PIWIL2: variants seen among roughly 807,000 people sequenced by gnomAD.
The protein encoded by PIWIL2 is piwi-like protein 2.
Under a neutral mutation model 116.5 loss-of-function variants are expected in PIWIL2, and 81 were observed. The ratio of observed to expected loss-of-function variants is 0.70; its 90% CI spans 0.58 to 0.84. PIWIL2 has a LOEUF of 0.84. PIWIL2 is among the 40% of genes least tolerant of loss of function. PIWIL2 has a pLI of 0.00. For synonymous variants in PIWIL2, 489 were observed against 429.5 expected (o/e 1.14, Z -1.71); for missense variants, 1,272 against 1,212.3 (o/e 1.05, Z -0.73).
chr8:22,319,595 A>T (rs1336263942), intron 20 of PIWIL2, among the ~76,000 whole-genome samples: 2 of 152,214 alleles, frequency 1.3e-5, no homozygotes, highest in Non-Finnish European at 2.9e-5. Flanking sequence ...AATTACCCTG[A>T]AACTTAGTGG....
At chr8:22,302,553 G>GGCT (rs1286111647) in intron 10 of PIWIL2, among the ~76,000 whole-genome samples, 1 of 151,876 alleles carries the variant, frequency 6.6e-6, no homozygotes, top group Non-Finnish European at 1.5e-5. Context: ...TGTGGCGTGC[G>GGCT]GCTGCTGATG....
rs765818300 is a variant in PIWIL2 at position 22,355,747 on chromosome 8, T to C, written c.*242T>C. The C allele has an allele frequency of 2.0e-6, 1 of 493,468 alleles. No homozygotes were observed. The highest frequency in any genetic ancestry group is 3.7e-6 in the Non-Finnish European group (1 of 272,720). The allele number at this position is 493,468 out of a possible 1,614,324, so 30.6% of individuals were successfully genotyped here. On this transcript the variant is annotated 3_prime_UTR_variant, in exon 23 of 23. Transcript: ENST00000356766. Reference sequence around the variant, plus strand: ...GAGCAAGTTACGGTGGTACTGCCACTCTGCAGGTGGAGCGGGTGACTCTGG... The same window carrying C: ...GAGCAAGTTACGGTGGTACTGCCACCCTGCAGGTGGAGCGGGTGACTCTGG...
intron 2 of PIWIL2, 57 bp from the exon 3 acceptor site, chr8:22,281,063 C>T: frequency 1.0e-6 from 1 of 971,794 alleles, no homozygotes; most frequent in Non-Finnish European, 1.6e-6. Flanking sequence ...CTAAGAAAGC[C>T]CTTGTTTCTG....
intron 20 of PIWIL2, among the ~76,000 whole-genome samples, chr8:22,331,333 A>C (rs1019433050): frequency 2.6e-5 from 4 of 151,904 alleles, no homozygotes; most frequent in African/African-American, 9.7e-5. Flanking sequence ...TCGTCTCTAC[A>C]AAAAAGAAAT....
chr8:22,320,531 C>T (rs1049978066), intron 20 of PIWIL2, among the ~76,000 whole-genome samples: 2 of 151,970 alleles, frequency 1.3e-5, no homozygotes, highest in Non-Finnish European at 2.9e-5. Flanking sequence ...CCCGCCTCAG[C>T]CTCTCAAAGT....
chr8:22,338,191 G>A (rs1193574346), intron 20 of PIWIL2, among the ~76,000 whole-genome samples: 1 of 152,144 alleles, frequency 6.6e-6, no homozygotes, highest in Non-Finnish European at 1.5e-5. Flanking sequence ...GAGAAGATTG[G>A]GAAGGAGAAA....
rs908614215 is a variant in PIWIL2 at position 22,357,464 on chromosome 8, C to T, written c.*1959C>T. On this transcript the variant is annotated 3_prime_UTR_variant, in exon 23 of 23. Transcript: ENST00000356766. ...ACAAATGGTTGAATACATTATAATA[C>T]AAAAATTTCTTCACTTTTTATTCTT... 1.3e-5 allele frequency: 2 copies of T among 152,098 alleles called. No individual in the cohort carries two copies. Among genetic ancestry groups the T allele is most frequent in the African/African-American group, 4.8e-5 (2 of 41,404 alleles). The allele number at this position is 152,098 out of a possible 1,614,324, so 9.4% of individuals were successfully genotyped here. A position where few individuals can be genotyped will look rare whatever the true frequency, so the allele number is the denominator to read the frequency against.
Position 22,320,981 on chromosome 8 carries a change from C to T in PIWIL2, c.2403+2706C>T, listed in dbSNP as rs575918693. Among the ~76,000 whole-genome samples, 9 of 152,304 alleles carry T rather than the reference C, an allele frequency of 5.9e-5. No homozygotes were observed. In the South Asian group the frequency reaches 1.9e-3, roughly 32 times the overall value. On this transcript the variant is annotated intron_variant, in intron 20 of 22. Coordinates refer to ENST00000356766, the MANE Select transcript of PIWIL2 (RefSeq NM_018068.5). Reference sequence around the variant, plus strand: ...CATCTCTTACACTACTAAGCTGACACTCCTGGTGATTTACGTTGAATTTCT... The same window carrying T: ...CATCTCTTACACTACTAAGCTGACATTCCTGGTGATTTACGTTGAATTTCT...
At chr8:22,305,089 A>T (rs1831143975) in intron 12 of PIWIL2, among the ~76,000 whole-genome samples, 2 of 152,196 alleles carry the variant, frequency 1.3e-5, no homozygotes, top group African/African-American at 4.8e-5. Context: ...ATATCCACAT[A>T]AGCTATTAGG....
intron 20 of PIWIL2, among the ~76,000 whole-genome samples, chr8:22,329,016 T>A (rs1418270730): frequency 6.6e-6 from 1 of 152,136 alleles, no homozygotes; most frequent in Admixed American, 6.6e-5. Context: ...ATAGCAGTGC[T>A]AAAATCAGGC....
intron 1 of PIWIL2, among the ~76,000 whole-genome samples, chr8:22,276,502 G>T (rs1216027159): frequency 6.6e-6 from 1 of 152,132 alleles, no homozygotes; most frequent in Non-Finnish European, 1.5e-5. Context: ...TTTTAGTAGA[G>T]ATGAGGGTTC....
chr8:22,331,406 G>C (rs553261054), intron 20 of PIWIL2, among the ~76,000 whole-genome samples: 2 of 150,354 alleles, frequency 1.3e-5, no homozygotes, highest in Admixed American at 1.3e-4. Flanking sequence ...TCTAAAGCCC[G>C]AGGAGTTCAA....
chr8:22,328,818 G>GTTT lies in PIWIL2; in HGVS notation c.2403+10560_2403+10562dup, dbSNP rs57027657. ...CTGAATGTGGTTATGAGCTCTAGTC[G>GTTT]TTTTTTTTTTTTTTTTTTTAATTCT... On this transcript the variant is annotated intron_variant, in intron 20 of 22. Transcript: ENST00000356766. Among the ~76,000 whole-genome samples, 466 of 107,072 alleles carry GTTT rather than the reference G, an allele frequency of 4.4e-3. 10 individuals carry two copies. The highest frequency in any genetic ancestry group is 0.02 in the East Asian group (65 of 3,272). 70.2% of individuals were successfully genotyped at this position (107,072 alleles called of 152,430 possible).
intron 20 of PIWIL2, among the ~76,000 whole-genome samples, chr8:22,333,804 A>G (rs1240871301): frequency 2.0e-5 from 3 of 151,914 alleles, no homozygotes; most frequent in African/African-American, 7.3e-5. Flanking sequence ...AAAATTGACT[A>G]TGGTGGTGGT....
At chr8:22,351,448 T>C (rs1254605372) in intron 20 of PIWIL2, among the ~76,000 whole-genome samples, 6 of 51,072 alleles carry the variant, frequency 1.2e-4, no homozygotes, top group Non-Finnish European at 1.9e-4. Context: ...TACATATATA[T>C]ATATATATAT....
intron 10 of PIWIL2, among the ~76,000 whole-genome samples, chr8:22,301,093 C>T (rs560666414): frequency 3.3e-5 from 5 of 152,004 alleles, no homozygotes; most frequent in East Asian, 3.9e-4. Context: ...AGTCCTCTCA[C>T]CTCACCCTCC....
chr8:22,311,181 A>C lies in PIWIL2; in HGVS notation c.1870A>C (p.Met624Leu). The change falls in exon 16 of 23, where the codon ATG (methionine) becomes CTG (leucine). Residue 624 changes from methionine (M) to leucine (L), a missense_variant. Transcript: ENST00000356766. ...AMDQARELVN[M>L]LEKIAGPIGM... ...GGACCAGGCTCGAGAACTGGTCAAC[A>C]TGTTGGAGAAGATAGCCGGCCCCAT... 3 of 1,614,162 alleles carry C rather than the reference A, an allele frequency of 1.9e-6. No homozygotes were observed. Among genetic ancestry groups the C allele is most frequent in the Non-Finnish European group, 2.5e-6 (3 of 1,180,020 alleles).
chr8:22,321,287 A>G (rs1330739807), intron 20 of PIWIL2, among the ~76,000 whole-genome samples: 2 of 151,954 alleles, frequency 1.3e-5, no homozygotes, highest in East Asian at 1.9e-4. Flanking sequence ...ATTGTTAAAA[A>G]TTTTTAGTAG....
chr8:22,331,144 C>G (rs574393854), intron 20 of PIWIL2, among the ~76,000 whole-genome samples: 1 of 152,066 alleles, frequency 6.6e-6, no homozygotes, highest in Non-Finnish European at 1.5e-5. Flanking sequence ...CCAATGCAGT[C>G]CAGCCTAAGC....
Sources: allele counts gnomAD v4.1 joint callset (sites outside exome capture counted in the v4.1 genomes callset), GRCh38; gene constraint gnomAD v4.1.1; transcripts MANE v1.5; gene names NCBI Gene and HGNC (gene_info 2026-07-23, HGNC 2026-07-21).